RAD17: variants seen among roughly 807,000 people sequenced by gnomAD.
The protein encoded by RAD17 is RAD17 checkpoint clamp loader component.
In RAD17, 31 loss-of-function variants were observed where a neutral mutation model predicts 81.5. The observed-to-expected ratio is 0.38, with a 90% CI of 0.29 to 0.51. The LOEUF (loss-of-function observed/expected upper bound fraction) is 0.51, where lower values mean the gene tolerates loss of function less well. Ranked by LOEUF, RAD17 falls within the 20% of genes least tolerant of loss-of-function variation. The pLI is 0.88. For synonymous variants in RAD17, 261 were observed against 266.2 expected, an observed-to-expected ratio of 0.98 and a Z score of 0.19; for missense variants, 681 against 781.2, an observed-to-expected ratio of 0.87 and a Z score of 1.53.
intron 5 of RAD17, 72 bp downstream of exon 5, chr5:69,374,159 G>T: frequency 3.1e-6 from 4 of 1,280,738 alleles, no homozygotes; most frequent in South Asian, 1.5e-5. Flanking sequence ...GGAAGCAGAG[G>T]GATTTACATT....
intron 3 of RAD17, 113 bp from the exon 4 acceptor site, chr5:69,371,921 G>C: frequency 6.2e-6 from 3 of 486,038 alleles, no homozygotes; most frequent in Non-Finnish European, 9.9e-6. Flanking sequence ...TGGGATGGGG[G>C]TCAGACAGTT....
chr5:69,385,210 G>T (rs978279778), intron 8 of RAD17, among the ~76,000 whole-genome samples: 62 of 150,078 alleles, frequency 4.1e-4, no homozygotes, highest in East Asian at 9.8e-4. Context: ...TATGCCCACC[G>T]TGGCCTCCCA....
At chr5:69,409,100 G>A (rs1270823957) in intron 17 of RAD17, among the ~76,000 whole-genome samples, 2 of 152,080 alleles carry the variant, frequency 1.3e-5, no homozygotes, top group African/African-American at 2.4e-5. Context: ...CTTTGGGGAA[G>A]GCTTCGGAGC....
chr5:69,390,864 G>A (rs1236326478), intron 12 of RAD17, among the ~76,000 whole-genome samples: 1 of 151,580 alleles, frequency 6.6e-6, no homozygotes, highest in African/African-American at 2.4e-5. Context: ...TGAGGTGGGA[G>A]GATCACTTGA....
chr5:69,386,341 CATATT>C (rs761018239), intron 10 of RAD17, 36 bp downstream of exon 10: 2 of 1,583,838 alleles, frequency 1.3e-6, no homozygotes, highest in South Asian at 2.4e-5. Context: ...AGGTCACATA[CATATT>C]ATATTTTTAA....
At chr5:69,388,011 A>G (rs1441800) in intron 11 of RAD17, among the ~76,000 whole-genome samples, 129,688 of 152,134 alleles carry the variant, frequency 0.85, 56,574 homozygotes, top group Non-Finnish European at 0.95. Context: ...GACAGAGCTA[A>G]ACCCTGTCTC....
intron 8 of RAD17, among the ~76,000 whole-genome samples, 157 bp downstream of exon 8, chr5:69,385,090 G>C (rs1454962925): frequency 1.3e-5 from 2 of 150,788 alleles, no homozygotes; most frequent in Non-Finnish European, 2.9e-5. Flanking sequence ...CTCCGGAGTA[G>C]CTGGGACTAC....
At chr5:69,385,910 AT>A (rs1267672745) in intron 8 of RAD17, 132 bp from the exon 9 acceptor site, 1 of 912,348 alleles carries the variant, frequency 1.1e-6, no homozygotes, top group Non-Finnish European at 1.5e-6. Flanking sequence ...CATCTATTTC[AT>A]GTTTCCTGTG....
At position 69,373,983 on chromosome 5, in the gene RAD17, A is replaced by G. The variant is rs998667119; in HGVS notation, c.163A>G (p.Arg55Gly). 1 of 1,613,404 alleles carries G rather than the reference A, an allele frequency of 6.2e-7. No homozygotes were observed. Among genetic ancestry groups the G allele is most frequent in the Non-Finnish European group, 8.5e-7 (1 of 1,179,538 alleles). ...AAGCAGCAGATTTCCAGCGAGAAAA[A>G]GAGGAAATCTATCTTCCTTAGAACA... ...LESSRFPARK[R>G]GNLSSLEQIY... Residue 55 changes from arginine to glycine, a missense_variant, in exon 5 of 19, where the codon AGA (arginine) becomes GGA (glycine). By Grantham distance (125) the Arg-to-Gly change is moderately radical (BLOSUM62 -2). Transcript: ENST00000354868.
intron 17 of RAD17, among the ~76,000 whole-genome samples, chr5:69,406,137 A>G (rs1029741543): frequency 1.3e-5 from 2 of 152,160 alleles, no homozygotes; most frequent in Admixed American, 1.3e-4. Flanking sequence ...TAACCAAGAT[A>G]TAGCGTCAGT....
chr5:69,409,202 T>C (rs1765817452), intron 17 of RAD17, among the ~76,000 whole-genome samples: 1 of 152,116 alleles, frequency 6.6e-6, no homozygotes, highest in Non-Finnish European at 1.5e-5. Flanking sequence ...TCTGATTATT[T>C]TGGCTTGCCT....
rs1422596708 is a variant in RAD17, at chr5:69,386,309, A to G, written c.824+4A>G. On this transcript the variant is annotated splice_donor_region_variant and intron_variant, in intron 10 of 18. Coordinates refer to ENST00000354868, the MANE Select transcript of RAD17 (RefSeq NM_133338.3). ...AGTGTTCTATCTCAAATATTAGGTA[A>G]GAAAGAAATTTCTGCTTATAAAGGT... 11 of 1,591,500 alleles carry G rather than the reference A, an allele frequency of 6.9e-6. No homozygotes were observed. Among genetic ancestry groups the G allele is most frequent in the Non-Finnish European group, 9.4e-6 (11 of 1,170,438 alleles).
At position 69,373,908 on chromosome 5, in the gene RAD17, G is replaced by A. The variant is rs758828020; in HGVS notation, c.88G>A (p.Gly30Ser). 12 of 1,610,184 alleles carry A rather than the reference G, an allele frequency of 7.5e-6. 1 individual carries two copies. The South Asian group carries it at 1.2e-4, about 16-fold the overall frequency. ...GVSTITATSL[G>S]VNNSSHRRKN... The stretch of plus-strand genomic sequence containing the variant: ...CTCTACTATTACTGCCACATCATTA[G>A]GTGTGAATAACTCAAGTCATAGAAG... Residue 30 changes from glycine (G) to serine (S), a missense_variant, in exon 5 of 19, where the codon GGT (glycine) becomes AGT (serine). Coordinates refer to ENST00000354868, the MANE Select transcript of RAD17 (RefSeq NM_133338.3).
At position 69,393,237 on chromosome 5, in the gene RAD17, T is replaced by TTC; in HGVS notation, c.1272_1273insTC (p.Glu425SerfsTer4). The TTC allele has an allele frequency of 6.2e-7, 1 of 1,603,612 alleles. No homozygotes were observed. Among genetic ancestry groups the TTC allele is most frequent in the Non-Finnish European group, 8.5e-7 (1 of 1,171,504 alleles). On this transcript the variant is annotated frameshift_variant, in exon 14 of 19. Coordinates refer to ENST00000354868, the MANE Select transcript of RAD17 (RefSeq NM_133338.3). LOFTEE classifies it high-confidence loss of function. ...AACGGGATACATTACTTGTTGAACC[T>TTC]GAGGTAAGTTCTTTGATGACACTTA... is the stretch of plus-strand genomic sequence containing the variant.
intron 17 of RAD17, among the ~76,000 whole-genome samples, chr5:69,407,101 C>A (rs979580733): frequency 1.4e-5 from 2 of 146,832 alleles, no homozygotes; most frequent in African/African-American, 5.0e-5. Flanking sequence ...TTCCCAGGTT[C>A]AAGCGATTCT....
In RAD17 at chr5:69,381,931, C is replaced by T; in HGVS notation, c.382C>T (p.Pro128Ser). Residue 128 changes from proline to serine, a missense_variant, in exon 7 of 19, where the codon CCT (proline) becomes TCT (serine). Physicochemically the swap from Pro to Ser is moderately conservative, Grantham distance 74 (BLOSUM62 -1). Transcript: ENST00000354868. ...ATCTATTTTATTAATAACAGGTCCT[C>T]CTGGATGTGGAAAGACAACGACCTT... ...GGSILLITGP[P>S]GCGKTTTLKI... 3 of 1,607,182 alleles carry T rather than the reference C, an allele frequency of 1.9e-6. No homozygotes were observed. The highest frequency in any genetic ancestry group is 2.6e-6 in the Non-Finnish European group (3 of 1,175,924).
At chr5:69,385,116 C>T (rs572067865) in intron 8 of RAD17, among the ~76,000 whole-genome samples, 183 bp downstream of exon 8, 86 of 151,868 alleles carry the variant, frequency 5.7e-4, no homozygotes, top group African/African-American at 2.0e-3. Context: ...CCCGCCACCA[C>T]GCCCGGCTAA....
At chr5:69,399,186 C>A (rs760199031) in intron 16 of RAD17, among the ~76,000 whole-genome samples, 21 of 152,086 alleles carry the variant, frequency 1.4e-4, no homozygotes, top group Middle Eastern at 3.2e-3. Context: ...GCCTGGGAGG[C>A]AGAGTTTGCA....
chr5:69,405,301 A>G (rs2150874841), intron 17 of RAD17, among the ~76,000 whole-genome samples: 1 of 151,444 alleles, frequency 6.6e-6, no homozygotes, highest in Non-Finnish European at 1.5e-5. Flanking sequence ...CATGAGTTTG[A>G]GAGCAGCCTG....
Sources: gnomAD v4.1 joint callset for allele counts (sites outside exome capture counted in the v4.1 genomes callset) on GRCh38, gnomAD v4.1.1 for gene constraint, MANE v1.5 for transcripts, NCBI Gene and HGNC (gene_info 2026-07-23, HGNC 2026-07-21) for gene names.